Variants in MOCS2 observed in about 807,000 individuals in gnomAD.
MOCS2 encodes molybdopterin synthase catalytic subunit.
MOCS2 carries 13 observed loss-of-function variants against 21.9 expected under a neutral mutation model. The ratio of observed to expected loss-of-function variants is 0.59; its 90% CI spans 0.39 to 0.94. The LOEUF is 0.94. Ranked by LOEUF, MOCS2 falls within the 40% of genes least tolerant of loss-of-function variation. MOCS2 has a pLI of 0.00. For synonymous variants in MOCS2, 92 were observed against 80.8 expected, an observed-to-expected ratio of 1.14 and a Z score of -0.74; for missense variants, 227 against 218.3, an observed-to-expected ratio of 1.04 and a Z score of -0.25.
intron 3 of MOCS2, among the ~76,000 whole-genome samples, chr5:53,106,167 A>G (rs1741042747): frequency 6.6e-6 from 1 of 152,180 alleles, no homozygotes; most frequent in African/African-American, 2.4e-5. Flanking sequence ...TAGAGACTGA[A>G]ATACCACTCA....
Position 53,098,249 on chromosome 5 carries a change from G to A in MOCS2, c.*353C>T, listed in dbSNP as rs1474015180. 3 of 249,668 alleles carry A rather than the reference G, an allele frequency of 1.2e-5. No homozygotes were observed. The highest frequency in any genetic ancestry group is 1.3e-4 in the South Asian group (2 of 14,830). 15.5% of individuals were successfully genotyped at this position (249,668 alleles called of 1,614,324 possible). On this transcript the variant is annotated 3_prime_UTR_variant, in exon 7 of 7. Coordinates refer to ENST00000396954, the MANE Select transcript of MOCS2 (RefSeq NM_004531.5). Reference sequence around the variant, plus strand: ...GGGGGGCGGTGAGGTGGGGTTGGTGGGGGAGTACGTTTCTGAGCTAGTTAA... The same window carrying A: ...GGGGGGCGGTGAGGTGGGGTTGGTGAGGGAGTACGTTTCTGAGCTAGTTAA...
chr5:53,109,143 A>T (rs1167230680), intron 1 of MOCS2, 108 bp downstream of exon 1: 3 of 286,860 alleles, frequency 1.0e-5, no homozygotes, highest in Non-Finnish European at 1.0e-5. Context: ...TAAATCTGAC[A>T]TTTACAGAAG....
rs762016336 is a variant in MOCS2, at chr5:53,100,580, C to G, written c.378-46G>C. On this transcript the variant is annotated intron_variant, in intron 5 of 6. Coordinates refer to ENST00000396954, the MANE Select transcript of MOCS2 (RefSeq NM_004531.5). ...AAAAAAATCACCATCATCTCTGAAT[C>G]TACGTGTTAAAGAATCTGCTAGACA... 4.4e-6 allele frequency: 7 copies of G among 1,605,678 alleles called. No homozygotes were observed. In the South Asian group the frequency reaches 7.8e-5, roughly 18 times the overall value.
rs1295210297 is a variant in MOCS2, at chr5:53,101,382, G to A, written c.354C>T (p.His118=). ...ACCCAAGTCTATGGAACACTGCTAT[G>A]TGTTTGACTGGCCATTTCTGCCTAA... ...SDIRQKWPVK[H]IAVFHRLGLV... Residue 118 remains histidine (H), a synonymous_variant, in exon 5 of 7, where the codon CAC becomes CAT. Coordinates refer to ENST00000396954, the MANE Select transcript of MOCS2 (RefSeq NM_004531.5). The A allele has an allele frequency of 1.9e-6, 3 of 1,613,924 alleles. No homozygotes were observed. Among genetic ancestry groups the A allele is most frequent in the Admixed American group, 1.7e-5 (1 of 60,024 alleles).
intron 1 of MOCS2, among the ~76,000 whole-genome samples, 171 bp downstream of exon 1, chr5:53,109,080 C>G (rs1741130121): frequency 6.6e-6 from 1 of 152,208 alleles, no homozygotes; most frequent in African/African-American, 2.4e-5. Context: ...ACCTTAGATT[C>G]CGGTCTGTAT....
At chr5:53,108,817 CTTG>C (rs556068225) in intron 1 of MOCS2, among the ~76,000 whole-genome samples, 174 bp from the exon 2 acceptor site, 31 of 152,114 alleles carry the variant, frequency 2.0e-4, no homozygotes, top group Admixed American at 5.2e-4. Context: ...ATTCTGAAAA[CTTG>C]TTGTTTTAAA....
intron 2 of MOCS2, 43 bp from the exon 3 acceptor site, chr5:53,107,264 A>AGACC: frequency 1.3e-6 from 2 of 1,569,322 alleles, no homozygotes; most frequent in Non-Finnish European, 8.7e-7. Context: ...ACGCTATGAT[A>AGACC]GACCTCAAAT....
Position 53,098,430 on chromosome 5 carries a change from C to T in MOCS2, c.*172G>A. 1 of 636,866 alleles carries T rather than the reference C, an allele frequency of 1.6e-6. No homozygotes were observed. Among genetic ancestry groups the T allele is most frequent in the Non-Finnish European group, 2.8e-6 (1 of 354,276 alleles). 39.5% of individuals were successfully genotyped at this position (636,866 alleles called of 1,614,324 possible). A position where few individuals can be genotyped will look rare whatever the true frequency, so the allele number is the denominator to read the frequency against. The stretch of plus-strand genomic sequence containing the variant: ...CTATCTTTAGTTCCATTTTAAATAA[C>T]CCTTCATCCTACATACCCATTTATC... On this transcript the variant is annotated 3_prime_UTR_variant, in exon 7 of 7. Coordinates refer to ENST00000396954, the MANE Select transcript of MOCS2 (RefSeq NM_004531.5).
intron 5 of MOCS2, chr5:53,100,898 C>T (rs1740890688): frequency 6.5e-6 from 2 of 309,010 alleles, no homozygotes; most frequent in Admixed American, 4.9e-5. Flanking sequence ...TAAAATAATA[C>T]ATATCAAGTA....
In MOCS2 at chr5:53,102,217, T is replaced by C. The variant is rs1740932857; in HGVS notation, c.106A>G (p.Met36Val). ...TTAGATTTCTCTTCAACTTCATCCA[T>C]ATCTTTCCTAGAAATAATACATTAA... ...DSAFEPSRKDMDEVEEKSKDV... is the reference protein window; with the variant it reads ...DSAFEPSRKDVDEVEEKSKDV... The change falls in exon 4 of 7, where the codon ATG (methionine) becomes GTG (valine). Residue 36 changes from methionine (M) to valine (V), a missense_variant. Transcript: ENST00000396954. The C allele has an allele frequency of 6.2e-7, 1 of 1,611,828 alleles. No homozygotes were observed. The highest frequency in any genetic ancestry group is 8.5e-7 in the Non-Finnish European group (1 of 1,178,346).
intron 3 of MOCS2, among the ~76,000 whole-genome samples, chr5:53,105,228 T>C (rs1741018404): frequency 2.0e-5 from 3 of 152,088 alleles, no homozygotes; most frequent in Non-Finnish European, 4.4e-5. Context: ...ACACAGACAG[T>C]CCAATAATAT....
chr5:53,102,966 A>AG (rs1740956753), intron 3 of MOCS2, among the ~76,000 whole-genome samples: 1 of 150,776 alleles, frequency 6.6e-6, no homozygotes, highest in Admixed American at 6.6e-5. Flanking sequence ...AAAAAAAAAG[A>AG]AAAAAAAGGT....
intron 3 of MOCS2, among the ~76,000 whole-genome samples, chr5:53,105,727 T>C (rs894304107): frequency 6.6e-6 from 1 of 152,034 alleles, no homozygotes; most frequent in Non-Finnish European, 1.5e-5. Flanking sequence ...AATTGACAAA[T>C]GGGATCTAAT....
chr5:53,100,349 A>G (rs1740872630), intron 6 of MOCS2, 62 bp downstream of exon 6: 1 of 1,587,940 alleles, frequency 6.3e-7, no homozygotes, highest in Non-Finnish European at 8.6e-7. Flanking sequence ...GGGGGGATTT[A>G]TCTAAAAATT....
Position 53,100,695 on chromosome 5 carries a change from A to G in MOCS2, c.378-161T>C, listed in dbSNP as rs1187929458. On this transcript the variant is annotated intron_variant, in intron 5 of 6. Coordinates refer to ENST00000396954, the MANE Select transcript of MOCS2 (RefSeq NM_004531.5). ...CAGTTAGAAAAGAGTAATTAATTGC[A>G]GTAGCATTCAGCAGAGGCAGTAGAT... 3.1e-5 allele frequency: 22 copies of G among 713,394 alleles called. No homozygotes were observed. The Admixed American group carries it at 5.4e-4, about 17-fold the overall frequency. 44.2% of individuals were successfully genotyped at this position (713,394 alleles called of 1,614,324 possible).
intron 4 of MOCS2, 56 bp downstream of exon 4, chr5:53,102,041 C>T: frequency 3.8e-6 from 6 of 1,568,368 alleles, no homozygotes; most frequent in Non-Finnish European, 5.3e-6. Context: ...ATGGAAAGCA[C>T]ATGCTAATTT....
chr5:53,109,066 A>G (rs1741129545), intron 1 of MOCS2, among the ~76,000 whole-genome samples, 185 bp downstream of exon 1: 1 of 152,262 alleles, frequency 6.6e-6, no homozygotes, highest in Admixed American at 6.5e-5. Context: ...ACGGTTGTCA[A>G]ATGACCTTAG....
intron 3 of MOCS2, among the ~76,000 whole-genome samples, chr5:53,105,238 T>C (rs1266014002): frequency 6.6e-6 from 1 of 151,998 alleles, no homozygotes; most frequent in African/African-American, 2.4e-5. Context: ...TCCAATAATA[T>C]GAGTTCAAAT....
At position 53,096,256 on chromosome 5, in the gene MOCS2, CT is replaced by C. The variant is rs1740728417; in HGVS notation, c.*2345del. 6.6e-6 allele frequency: 1 copy of C among 152,166 alleles called. No individual in the cohort carries two copies. Among genetic ancestry groups the C allele is most frequent in the Non-Finnish European group, 1.5e-5 (1 of 68,028 alleles). 9.4% of individuals were successfully genotyped at this position (152,166 alleles called of 1,614,324 possible). ...AAAAGGCTGAAAATATATTGTGACT[CT>C]ATACATCATATCCAAAGGACAAAAA... On this transcript the variant is annotated 3_prime_UTR_variant, in exon 7 of 7. Coordinates refer to ENST00000396954, the MANE Select transcript of MOCS2 (RefSeq NM_004531.5).
Sources: allele counts gnomAD v4.1 joint callset (sites outside exome capture counted in the v4.1 genomes callset), GRCh38; gene constraint gnomAD v4.1.1; transcripts MANE v1.5; gene names NCBI Gene and HGNC (gene_info 2026-07-23, HGNC 2026-07-21).